The following SETD2 variants were observed in gnomAD, a reference collection of about 807,000 sequenced individuals.
The protein encoded by SETD2 is histone-lysine N-methyltransferase SETD2.
SETD2 carries 31 observed loss-of-function variants against 242.1 expected under a neutral mutation model. That is an observed-to-expected ratio of 0.13 (90% CI 0.10 to 0.17). The LOEUF (loss-of-function observed/expected upper bound fraction) is 0.17, where lower values mean the gene tolerates loss of function less well. Among genes scored for constraint, SETD2 ranks in the 10% least tolerant of loss-of-function variants. The pLI is 1.00. For synonymous variants in SETD2, 1,006 were observed against 1,066.5 expected (o/e 0.94, Z 1.11); for missense variants, 2,481 against 3,046.3 (o/e 0.81, Z 4.37).
chr3:47,047,133 C>T (rs2039566483), intron 15 of SETD2: 1 of 152,418 alleles, frequency 6.6e-6, no homozygotes, highest in Non-Finnish European at 1.5e-5. Context: ...TTTGTTTTAG[C>T]TTTTTGTAGT....
chr3:47,087,370 C>T (rs958772733), intron 10 of SETD2, among the ~76,000 whole-genome samples: 11 of 152,088 alleles, frequency 7.2e-5, no homozygotes, highest in African/African-American at 2.4e-4. Flanking sequence ...GAAACTGTTC[C>T]ACCTCAAATC....
intron 1 of SETD2, among the ~76,000 whole-genome samples, chr3:47,150,807 A>G (rs1286151340): frequency 6.6e-6 from 1 of 151,884 alleles, no homozygotes; most frequent in African/African-American, 2.4e-5. Context: ...AAAAATAAAT[A>G]AATAAAATTA....
chr3:47,067,822 T>C (rs550354876), intron 12 of SETD2, among the ~76,000 whole-genome samples: 1 of 152,298 alleles, frequency 6.6e-6, no homozygotes, highest in Admixed American at 6.5e-5. Context: ...TAAAGACAAT[T>C]CCTACTATTC....
intron 8 of SETD2, among the ~76,000 whole-genome samples, chr3:47,100,265 T>C (rs2042158880): frequency 6.6e-6 from 1 of 151,822 alleles, no homozygotes; most frequent in Non-Finnish European, 1.5e-5. Flanking sequence ...TTTGTTCGTT[T>C]GCTTTTTATT....
intron 5 of SETD2, among the ~76,000 whole-genome samples, chr3:47,106,386 T>C (rs1049202469): frequency 2.7e-5 from 4 of 147,762 alleles, no homozygotes; most frequent in Non-Finnish European, 5.9e-5. Context: ...TTTAACTAGA[T>C]ACTAAATCAT....
intron 1 of SETD2, among the ~76,000 whole-genome samples, chr3:47,150,932 A>AG (rs887428191): frequency 6.6e-6 from 1 of 151,758 alleles, no homozygotes; most frequent in African/African-American, 2.4e-5. Flanking sequence ...AAAAAAAAAA[A>AG]AAAGAAAGAA....
chr3:47,102,282 C>A (rs1344670976), intron 7 of SETD2, among the ~76,000 whole-genome samples: 1 of 152,190 alleles, frequency 6.6e-6, no homozygotes, highest in Non-Finnish European at 1.5e-5. Context: ...TGGCCACCAG[C>A]TCTGGCAGAA....
intron 1 of SETD2, among the ~76,000 whole-genome samples, chr3:47,128,736 T>C (rs2043407946): frequency 6.6e-6 from 1 of 152,218 alleles, no homozygotes; most frequent in African/African-American, 2.4e-5. Context: ...GATGTACATT[T>C]TGCCCACAGG....
At chr3:47,028,364 T>C (rs1045817109) in intron 18 of SETD2, among the ~76,000 whole-genome samples, 2 of 152,166 alleles carry the variant, frequency 1.3e-5, no homozygotes, top group African/African-American at 2.4e-5. Context: ...AAGCTAACAA[T>C]TCTCAGAGCT....
intron 17 of SETD2, among the ~76,000 whole-genome samples, chr3:47,039,361 C>T (rs756616163): frequency 6.6e-6 from 1 of 151,836 alleles, no homozygotes; most frequent in East Asian, 1.9e-4. Flanking sequence ...ATTACAGGTG[C>T]GTGTCACCAC....
intron 19 of SETD2, among the ~76,000 whole-genome samples, chr3:47,018,749 T>C (rs1046404296): frequency 6.6e-6 from 1 of 152,208 alleles, no homozygotes; most frequent in Non-Finnish European, 1.5e-5. Flanking sequence ...CACAGACACA[T>C]AGTTCCTATA....
At chr3:47,032,881 C>T (rs1219588791) in intron 18 of SETD2, among the ~76,000 whole-genome samples, 2 of 151,842 alleles carry the variant, frequency 1.3e-5, no homozygotes, top group Non-Finnish European at 2.9e-5. Flanking sequence ...CACTGCACCC[C>T]AGCCTGGGCA....
At chr3:47,162,852 C>T (rs1181468158) in intron 1 of SETD2, among the ~76,000 whole-genome samples, 4 of 152,178 alleles carry the variant, frequency 2.6e-5, no homozygotes, top group Non-Finnish European at 5.9e-5. Context: ...AGAAGTGACT[C>T]CAGGCTTTCT....
intron 12 of SETD2, among the ~76,000 whole-genome samples, chr3:47,078,519 C>CTTTTTTTTT (rs71098448): frequency 2.8e-5 from 2 of 71,280 alleles, no homozygotes; most frequent in Admixed American, 1.8e-4. Context: ...GATTCTCAGC[C>CTTTTTTTTT]TTTTTTTTTT....
chr3:47,042,485 T>C lies in SETD2; in HGVS notation c.7238+76A>G, dbSNP rs150763222. Reference sequence around the variant, plus strand: ...GCTAATGACAAGAAGTTTACAACTGTAAAACTCCCCTTATAGTGGCAACTT... The same window carrying C: ...GCTAATGACAAGAAGTTTACAACTGCAAAACTCCCCTTATAGTGGCAACTT... On this transcript the variant is annotated intron_variant, in intron 17 of 20. Coordinates refer to ENST00000409792, the MANE Select transcript of SETD2 (RefSeq NM_014159.7). 44 of 1,468,178 alleles carry C rather than the reference T, an allele frequency of 3.0e-5. No individual in the cohort carries two copies. The East Asian group carries it at 1.0e-3, about 33-fold the overall frequency. 90.9% of individuals were successfully genotyped at this position (1,468,178 alleles called of 1,614,324 possible).
intron 16 of SETD2, among the ~76,000 whole-genome samples, chr3:47,044,381 A>AAAAAAAAAAAAAC: frequency 7.7e-6 from 1 of 129,522 alleles, no homozygotes; most frequent in African/African-American, 2.9e-5. Flanking sequence ...AAAAAAAAAA[A>AAAAAAAAAAAAAC]AAAAAGGCCT....
intron 12 of SETD2, among the ~76,000 whole-genome samples, chr3:47,072,437 C>A (rs1559689843): frequency 6.6e-6 from 1 of 152,004 alleles, no homozygotes; most frequent in African/African-American, 2.4e-5. Flanking sequence ...TCCTTGTTAA[C>A]AAGTACAGAT....
intron 14 of SETD2, among the ~76,000 whole-genome samples, chr3:47,057,986 A>G (rs963087053): frequency 3.9e-5 from 6 of 152,140 alleles, no homozygotes; most frequent in African/African-American, 1.4e-4. Context: ...AAGAAAAAGA[A>G]ATCCTCATAA....
intron 1 of SETD2, among the ~76,000 whole-genome samples, chr3:47,128,156 A>T (rs1204517488): frequency 1.3e-5 from 2 of 152,248 alleles, no homozygotes; most frequent in Non-Finnish European, 2.9e-5. Context: ...ATCATATTTC[A>T]TCTTATGGAT....
Sources: gnomAD v4.1 joint callset for allele counts (sites outside exome capture counted in the v4.1 genomes callset) on GRCh38, gnomAD v4.1.1 for gene constraint, MANE v1.5 for transcripts, NCBI Gene and HGNC (gene_info 2026-07-23, HGNC 2026-07-21) for gene names.